The following XRN2 variants were observed in gnomAD, a reference collection of about 807,000 sequenced individuals.
XRN2 encodes 5'-3' exoribonuclease 2, also known as DHM1-like protein.
A neutral mutation model predicts 138.5 loss-of-function variants in XRN2; 44 were observed. That is an observed-to-expected ratio of 0.32 (90% CI 0.25 to 0.41). The LOEUF is 0.41. Among genes scored for constraint, XRN2 ranks in the 10% least tolerant of loss-of-function variants. The pLI, the probability that XRN2 is intolerant of heterozygous loss-of-function variation, is 1.00. For synonymous variants in XRN2, 354 were observed against 369.4 expected, an observed-to-expected ratio of 0.96 and a Z score of 0.48; for missense variants, 937 against 1,169.3, an observed-to-expected ratio of 0.80 and a Z score of 2.90.
At chr20:21,381,824 G>T (rs1460490264) in intron 27 of XRN2, among the ~76,000 whole-genome samples, 170 bp from the exon 28 acceptor site, 2 of 151,884 alleles carry the variant, frequency 1.3e-5, no homozygotes. Flanking sequence ...TGCTGACCTT[G>T]TTAGTTACTT....
intron 19 of XRN2, 55 bp from the exon 20 acceptor site, chr20:21,349,334 T>C (rs984036963): frequency 1.2e-4 from 139 of 1,164,106 alleles, no homozygotes; most frequent in Non-Finnish European, 1.6e-4. Context: ...TCAAATTCTT[T>C]ATAACAGAGA....
At chr20:21,318,429 C>T (rs532558832) in intron 1 of XRN2, among the ~76,000 whole-genome samples, 4 of 151,974 alleles carry the variant, frequency 2.6e-5, no homozygotes, top group African/African-American at 9.6e-5. Context: ...TTAATTTCTG[C>T]TCTCATCTTT....
intron 20 of XRN2, among the ~76,000 whole-genome samples, chr20:21,351,396 T>C (rs535442845): frequency 6.6e-6 from 1 of 152,332 alleles, no homozygotes; most frequent in Admixed American, 6.5e-5. Flanking sequence ...TTTCTAAATC[T>C]TTGGAGAAAT....
intron 4 of XRN2, 74 bp downstream of exon 4, chr20:21,328,744 T>C (rs1243298928): frequency 7.4e-7 from 1 of 1,350,606 alleles, no homozygotes; most frequent in Non-Finnish European, 1.0e-6. Context: ...GGCAACTTTT[T>C]CTTACAAAGA....
rs2122306339 is a variant in XRN2 at position 21,365,478 on chromosome 20, T to C, written c.2313T>C (p.Leu771=). ...ATTACATTTTTAAAGCTGTAATGCT[T>C]CCAGGAGCAAGGTAACAACAGTAAA... ...AEDYIFKAVM[L]PGARKPAAVL... The change falls in exon 25 of 30, where the codon CTT becomes CTC. Residue 771 remains leucine, a synonymous_variant. Coordinates refer to ENST00000377191, the MANE Select transcript of XRN2 (RefSeq NM_012255.5). The C allele has an allele frequency of 6.2e-7, 1 of 1,613,936 alleles. No homozygotes were observed. The highest frequency in any genetic ancestry group is 1.3e-5 in the African/African-American group (1 of 75,034).
chr20:21,365,275 T>G, intron 24 of XRN2, 146 bp from the exon 25 acceptor site: 1 of 683,682 alleles, frequency 1.5e-6, no homozygotes, highest in Non-Finnish European at 2.4e-6. Flanking sequence ...GACAGTTTGG[T>G]GAGGAAGACA....
At chr20:21,357,940 C>T (rs918407854) in intron 24 of XRN2, 148 bp downstream of exon 24, 8 of 540,776 alleles carry the variant, frequency 1.5e-5, no homozygotes, top group African/African-American at 1.2e-4. Flanking sequence ...GCAGACCTTA[C>T]AGCAGAGCCT....
intron 1 of XRN2, among the ~76,000 whole-genome samples, chr20:21,315,242 A>G (rs918221974): frequency 6.6e-6 from 1 of 152,234 alleles, no homozygotes; most frequent in Non-Finnish European, 1.5e-5. Context: ...ATCACATTCT[A>G]CAGTCACTTT....
rs1208655369 is a variant in XRN2, at chr20:21,323,421, T to G, written c.76-2858T>G. 5.9e-5 allele frequency among the ~76,000 whole-genome samples: 9 copies of G among 152,338 alleles called. No individual in the cohort carries two copies. The East Asian group carries it at 1.3e-3, about 23-fold the overall frequency. On this transcript the variant is annotated intron_variant, in intron 1 of 29. Transcript: ENST00000377191. ...AGTCATTACTTGAAATACATTGGTT[T>G]TAGGGTTCAGAGTGGCTCTCCTTTT...
intron 1 of XRN2, among the ~76,000 whole-genome samples, chr20:21,318,544 G>A (rs531845760): frequency 1.1e-3 from 163 of 151,798 alleles, no homozygotes; most frequent in African/African-American, 3.9e-3. Flanking sequence ...CTTTTTCAGA[G>A]CCAAATACTT....
At chr20:21,341,332 A>G (rs896640081) in intron 15 of XRN2, among the ~76,000 whole-genome samples, 5 of 152,198 alleles carry the variant, frequency 3.3e-5, no homozygotes, top group African/African-American at 4.8e-5. Context: ...ATTTTGCAAA[A>G]TAGTATTCCT....
chr20:21,373,435 G>T (rs573299934), intron 27 of XRN2, among the ~76,000 whole-genome samples: 3 of 152,170 alleles, frequency 2.0e-5, no homozygotes, highest in African/African-American at 4.8e-5. Flanking sequence ...GAAACTGTGC[G>T]TCCTTCAATG....
intron 17 of XRN2, among the ~76,000 whole-genome samples, chr20:21,347,578 T>G (rs2038452691): frequency 6.6e-6 from 1 of 152,272 alleles, no homozygotes; most frequent in South Asian, 2.1e-4. Flanking sequence ...TTAACACATC[T>G]TAGATATCTC....
At chr20:21,364,580 G>T (rs2038673030) in intron 24 of XRN2, among the ~76,000 whole-genome samples, 1 of 152,158 alleles carries the variant, frequency 6.6e-6, no homozygotes, top group African/African-American at 2.4e-5. Flanking sequence ...GCTGAGGTGG[G>T]TGGGTCTTAT....
chr20:21,354,686 T>C (rs1278227370), intron 20 of XRN2, 103 bp from the exon 21 acceptor site: 4 of 1,041,968 alleles, frequency 3.8e-6, no homozygotes, highest in Non-Finnish European at 5.8e-6. Flanking sequence ...TGTTTTTGTA[T>C]CAGCAAGGAA....
At chr20:21,361,533 C>T (rs1222274745) in intron 24 of XRN2, among the ~76,000 whole-genome samples, 3 of 152,158 alleles carry the variant, frequency 2.0e-5, no homozygotes, top group South Asian at 2.1e-4. Flanking sequence ...CTGTTGAGTC[C>T]GTAGGCTGTA....
intron 1 of XRN2, among the ~76,000 whole-genome samples, chr20:21,323,217 G>A (rs1465604143): frequency 1.3e-5 from 2 of 152,160 alleles, no homozygotes; most frequent in African/African-American, 4.8e-5. Flanking sequence ...AGGGCTATTG[G>A]TTGCCCATAT....
At chr20:21,366,803 A>G (rs1023882049) in intron 26 of XRN2, among the ~76,000 whole-genome samples, 3 of 152,232 alleles carry the variant, frequency 2.0e-5, no homozygotes, top group Non-Finnish European at 4.4e-5. Context: ...AAGTATTTTA[A>G]TAACTTTGAT....
At chr20:21,338,041 C>A (rs971522831) in intron 13 of XRN2, among the ~76,000 whole-genome samples, 1 of 152,178 alleles carries the variant, frequency 6.6e-6, no homozygotes. Context: ...CTGGGCTCCA[C>A]TTTAGAGCAG....
Sources: allele counts gnomAD v4.1 joint callset (sites outside exome capture counted in the v4.1 genomes callset), GRCh38; gene constraint gnomAD v4.1.1; transcripts MANE v1.5; gene names NCBI Gene and HGNC (gene_info 2026-07-23, HGNC 2026-07-21).